Variants in NEBL observed in about 807,000 individuals in gnomAD.
NEBL encodes nebulette.
NEBL carries 122 observed loss-of-function variants against 140.2 expected under a neutral mutation model. The observed-to-expected ratio is 0.87, with a 90% CI of 0.75 to 1.01. NEBL has a LOEUF of 1.01. Ranked by LOEUF, NEBL falls within the 50% of genes least tolerant of loss-of-function variation. The pLI is 0.00. For missense variants in NEBL, 1,365 were observed against 1,231.3 expected, an observed-to-expected ratio of 1.11 and a Z score of -1.62; for synonymous variants, 436 against 398.9, an observed-to-expected ratio of 1.09 and a Z score of -1.11.
chr10:20,887,436 T>C (rs1219389131), intron 4 of NEBL, among the ~76,000 whole-genome samples: 1 of 94,560 alleles, frequency 1.1e-5, no homozygotes, highest in Non-Finnish European at 2.4e-5. Context: ...TTTTTTTTTT[T>C]GAGACAGAGG....
At chr10:21,096,052 T>G (rs546861453) in intron 2 of NEBL, among the ~76,000 whole-genome samples, 97 of 152,328 alleles carry the variant, frequency 6.4e-4, no homozygotes, top group African/African-American at 2.2e-3. Context: ...TGCTTTAGGC[T>G]TTAAATAGGA....
chr10:20,855,599 T>C (rs1217455585), intron 9 of NEBL, among the ~76,000 whole-genome samples: 3 of 151,976 alleles, frequency 2.0e-5, no homozygotes, highest in Non-Finnish European at 4.4e-5. Context: ...TTTCCTTATA[T>C]AACAGTCTCT....
intron 2 of NEBL, among the ~76,000 whole-genome samples, chr10:21,064,473 G>T (rs781523018): frequency 6.6e-6 from 1 of 152,138 alleles, no homozygotes; most frequent in Non-Finnish European, 1.5e-5. Flanking sequence ...TCAGTTGGTA[G>T]GGCTCTAACT....
chr10:20,856,952 C>T, intron 9 of NEBL, among the ~76,000 whole-genome samples: 1 of 152,074 alleles, frequency 6.6e-6, no homozygotes, highest in East Asian at 1.9e-4. Context: ...CCTCAGTCTC[C>T]TGAGTAGCTG....
chr10:20,829,049 A>C (rs1411644638), intron 16 of NEBL, among the ~76,000 whole-genome samples: 1 of 152,160 alleles, frequency 6.6e-6, no homozygotes, highest in Admixed American at 6.6e-5. Context: ...TAAATACTTA[A>C]CACACACTAA....
At chr10:20,862,792 G>T (rs1843851446) in intron 7 of NEBL, among the ~76,000 whole-genome samples, 1 of 152,144 alleles carries the variant, frequency 6.6e-6, no homozygotes, top group South Asian at 2.1e-4. Context: ...GGAAACAAAT[G>T]AAGTTACTCC....
intron 3 of NEBL, among the ~76,000 whole-genome samples, chr10:20,997,039 C>G (rs1837694401): frequency 6.6e-6 from 1 of 152,150 alleles, no homozygotes. Flanking sequence ...TTTCAAAAAT[C>G]CATCTTTCTA....
chr10:20,831,575 A>G lies in NEBL; in HGVS notation c.1458T>C (p.Tyr486=). ...TAATTTCAGTCTCCAGATCTCTTTTATAGTCTTTCTGCAGAAAATGAAACA... is the reference window on the plus strand; with the variant it reads ...TAATTTCAGTCTCCAGATCTCTTTTGTAGTCTTTCTGCAGAAAATGAAACA... ...KAAEIASEKD[Y]KRDLETEIKG... Residue 486 remains tyrosine (Y), a synonymous_variant, in exon 15 of 28, where the codon TAT becomes TAC. Coordinates refer to ENST00000377122, the MANE Select transcript of NEBL (RefSeq NM_006393.3). 2 of 1,600,434 alleles carry G rather than the reference A, an allele frequency of 1.2e-6. No homozygotes were observed. The highest frequency in any genetic ancestry group is 1.7e-5 in the Admixed American group (1 of 59,820).
At position 20,819,353 on chromosome 10, in the gene NEBL, C is replaced by G. The variant is rs551924614; in HGVS notation, c.2055+71G>C. On this transcript the variant is annotated intron_variant, in intron 20 of 27. Coordinates refer to ENST00000377122, the MANE Select transcript of NEBL (RefSeq NM_006393.3). ...TTAGTTTGCTAAGGATAATGGCCTT[C>G]CAAAGGGCATATTTTTAAATAAAAA... 42 of 1,609,106 alleles carry G rather than the reference C, an allele frequency of 2.6e-5. 1 individual carries two copies. In the South Asian group the frequency reaches 4.4e-4, roughly 17 times the overall value.
intron 4 of NEBL, among the ~76,000 whole-genome samples, chr10:20,944,067 A>T (rs1835036356): frequency 6.6e-6 from 1 of 152,240 alleles, no homozygotes; most frequent in Non-Finnish European, 1.5e-5. Flanking sequence ...ACAGTCAATA[A>T]AAACAATAAA....
chr10:21,037,915 C>T (rs148992539), intron 2 of NEBL, among the ~76,000 whole-genome samples: 1 of 152,256 alleles, frequency 6.6e-6, no homozygotes, highest in African/African-American at 2.4e-5. Context: ...GAACCATTTG[C>T]ATCTTCACCT....
chr10:21,146,958 G>T (rs938556720), intron 2 of NEBL, among the ~76,000 whole-genome samples: 14 of 152,112 alleles, frequency 9.2e-5, no homozygotes, highest in Non-Finnish European at 1.9e-4. Context: ...ATGGCTTCTT[G>T]ATTTCCACGG....
At chr10:21,171,212 G>T (rs1342177258) in intron 2 of NEBL, among the ~76,000 whole-genome samples, 1 of 152,032 alleles carries the variant, frequency 6.6e-6, no homozygotes, top group African/African-American at 2.4e-5. Flanking sequence ...GCGCATGCTT[G>T]TAATCCCAAC....
Position 20,783,035 on chromosome 10 carries a change from T to G in NEBL, c.*2712A>C, listed in dbSNP as rs1466276813. ...TAGAAAGTCAGGTGCATGCTCTCTG[T>G]GCTTGGACATTTACACAGTCATCTT... On this transcript the variant is annotated 3_prime_UTR_variant, in exon 28 of 28. Transcript: ENST00000377122. 1 of 152,640 alleles carries G rather than the reference T, an allele frequency of 6.6e-6. No homozygotes were observed. Among genetic ancestry groups the G allele is most frequent in the Non-Finnish European group, 1.5e-5 (1 of 68,040 alleles). 9.5% of individuals were successfully genotyped at this position (152,640 alleles called of 1,614,324 possible).
intron 3 of NEBL, among the ~76,000 whole-genome samples, chr10:21,226,197 T>C (rs1046507491): frequency 3.3e-5 from 5 of 152,054 alleles, no homozygotes; most frequent in East Asian, 1.9e-4. Flanking sequence ...AGAGCCGAAA[T>C]TGGGGCCTCA....
chr10:20,946,122 T>C (rs1835146358), intron 4 of NEBL, among the ~76,000 whole-genome samples: 1 of 152,178 alleles, frequency 6.6e-6, no homozygotes, highest in African/African-American at 2.4e-5. Flanking sequence ...GCACAGATGA[T>C]TGACAGGCCC....
chr10:20,991,504 G>A (rs1399869016), intron 3 of NEBL, among the ~76,000 whole-genome samples: 6 of 152,086 alleles, frequency 3.9e-5, no homozygotes, highest in Non-Finnish European at 7.4e-5. Flanking sequence ...TTTAAAGAAA[G>A]TGCCCAGCTG....
At position 20,785,690 on chromosome 10, in the gene NEBL, T is replaced by C; in HGVS notation, c.*57A>G. 4 of 1,566,714 alleles carry C rather than the reference T, an allele frequency of 2.6e-6. No homozygotes were observed. Among genetic ancestry groups the C allele is most frequent in the Non-Finnish European group, 1.7e-6 (2 of 1,148,606 alleles). ...TGTCTTAAAAGTATCTTCTATCTTT[T>C]AAAAAGATTAGGTTTGGGATACATT... On this transcript the variant is annotated 3_prime_UTR_variant, in exon 28 of 28. Transcript: ENST00000377122.
At chr10:21,042,896 T>C (rs1394568813) in intron 2 of NEBL, among the ~76,000 whole-genome samples, 1 of 152,224 alleles carries the variant, frequency 6.6e-6, no homozygotes. Flanking sequence ...TTAAACCACA[T>C]GAAAAGTAAA....
Sources: gnomAD v4.1 joint callset for allele counts (sites outside exome capture counted in the v4.1 genomes callset) on GRCh38, gnomAD v4.1.1 for gene constraint, MANE v1.5 for transcripts, NCBI Gene and HGNC (gene_info 2026-07-23, HGNC 2026-07-21) for gene names.